TNRC6B: variants seen among roughly 807,000 people sequenced by gnomAD.
TNRC6B encodes trinucleotide repeat-containing gene 6B protein.
In TNRC6B, 52 loss-of-function variants were observed where a neutral mutation model predicts 203.6. That is an observed-to-expected ratio of 0.26 (90% confidence interval 0.20 to 0.32). The LOEUF (loss-of-function observed/expected upper bound fraction) is 0.32. Among genes scored for constraint, TNRC6B ranks in the 10% least tolerant of loss-of-function variants. The pLI is 1.00. For synonymous variants in TNRC6B, 838 were observed against 845.7 expected, an observed-to-expected ratio of 0.99 and a Z score of 0.16; for missense variants, 1,923 against 2,286.2, an observed-to-expected ratio of 0.84 and a Z score of 3.24.
At chr22:40,317,557 A>G (rs541988913) in intron 21 of TNRC6B, among the ~76,000 whole-genome samples, 28 of 152,188 alleles carry the variant, frequency 1.8e-4, no homozygotes, top group Non-Finnish European at 2.9e-4. Flanking sequence ...CAGCCTGGCG[A>G]CAGAGCGAGA....
chr22:40,055,636 G>A (rs2067787991), intron 1 of TNRC6B, among the ~76,000 whole-genome samples: 1 of 152,182 alleles, frequency 6.6e-6, no homozygotes, highest in Non-Finnish European at 1.5e-5. Context: ...AACCACAACG[G>A]CACTTGTCAC....
chr22:40,163,450 C>A (rs1230708268), intron 4 of TNRC6B, among the ~76,000 whole-genome samples: 1 of 84,298 alleles, frequency 1.2e-5, no homozygotes, highest in African/African-American at 4.5e-5. Flanking sequence ...GAATGAGACC[C>A]TGTCTCAAAA....
At chr22:40,255,952 A>T (rs2070270862) in intron 3 of TNRC6B, among the ~76,000 whole-genome samples, 1 of 152,192 alleles carries the variant, frequency 6.6e-6, no homozygotes, top group African/African-American at 2.4e-5. Context: ...TCCCAGGTTC[A>T]AGCGATTCTC....
intron 1 of TNRC6B, among the ~76,000 whole-genome samples, chr22:40,239,790 G>A (rs2070002578): frequency 6.6e-6 from 1 of 152,022 alleles, no homozygotes. Flanking sequence ...GTCTTGTTAT[G>A]CCTCAGCTTA....
chr22:40,298,165 TTAAA>T (rs887124489), intron 12 of TNRC6B, among the ~76,000 whole-genome samples: 1 of 148,714 alleles, frequency 6.7e-6, no homozygotes, highest in African/African-American at 2.6e-5. Context: ...TAAAAAATCA[TTAAA>T]AAAAACCCAG....
intron 1 of TNRC6B, among the ~76,000 whole-genome samples, chr22:40,084,809 C>T (rs764548742): frequency 2.0e-5 from 3 of 152,088 alleles, no homozygotes; most frequent in Non-Finnish European, 2.9e-5. Context: ...AGTCAGATGA[C>T]GAAGGGTTTT....
intron 2 of TNRC6B, among the ~76,000 whole-genome samples, chr22:40,118,154 T>C (rs1306113610): frequency 6.6e-6 from 1 of 152,170 alleles, no homozygotes; most frequent in Non-Finnish European, 1.5e-5. Context: ...TTTGCTAGGC[T>C]TATGTGCCTA....
At chr22:40,059,460 G>T (rs1196190480) in intron 1 of TNRC6B, among the ~76,000 whole-genome samples, 1 of 152,178 alleles carries the variant, frequency 6.6e-6, no homozygotes, top group East Asian at 1.9e-4. Flanking sequence ...ATACCTTAAT[G>T]TCCTGGCTAG....
chr22:40,129,328 T>TAAGAGGTGGCTC (rs2068521452), intron 3 of TNRC6B, among the ~76,000 whole-genome samples: 1 of 152,202 alleles, frequency 6.6e-6, no homozygotes, highest in Admixed American at 6.5e-5. Flanking sequence ...ATTTGCATTT[T>TAAGAGGTGGCTC]AAGAGGTGGC....
At chr22:40,056,591 C>G (rs1034880460) in intron 1 of TNRC6B, among the ~76,000 whole-genome samples, 1 of 151,908 alleles carries the variant, frequency 6.6e-6, no homozygotes, top group Admixed American at 6.6e-5. Flanking sequence ...GCCAGGAGTT[C>G]GAGACCAGCT....
chr22:40,200,733 A>T (rs1445989222), intron 1 of TNRC6B, among the ~76,000 whole-genome samples: 1 of 152,146 alleles, frequency 6.6e-6, no homozygotes, highest in Non-Finnish European at 1.5e-5. Flanking sequence ...GGTCATATTG[A>T]GTATTTATGA....
intron 3 of TNRC6B, among the ~76,000 whole-genome samples, chr22:40,126,579 A>ATTTTTT (rs2068495311): frequency 9.9e-6 from 1 of 100,610 alleles, no homozygotes; most frequent in Non-Finnish European, 2.0e-5. Context: ...GACGTTATTT[A>ATTTTTT]ATTTTTTTTT....
chr22:40,079,190 G>A (rs879508901), intron 1 of TNRC6B, among the ~76,000 whole-genome samples: 1 of 152,138 alleles, frequency 6.6e-6, no homozygotes, highest in African/African-American at 2.4e-5. Flanking sequence ...TGGGATTACA[G>A]GCATGAGCCA....
At position 40,265,694 on chromosome 22, in the gene TNRC6B, C is replaced by T; in HGVS notation, c.1464C>T (p.Pro488=). 1.9e-6 allele frequency: 3 copies of T among 1,613,956 alleles called. No individual in the cohort carries two copies. The highest frequency in any genetic ancestry group is 2.5e-6 in the Non-Finnish European group (3 of 1,179,874). Residue 488 remains proline (P), a synonymous_variant, in exon 5 of 23, where the codon CCC becomes CCT. Transcript: ENST00000454349. ...RSTGGSWNFG[P]QDSNDNKWGE... Reference sequence around the variant, plus strand: ...CGGGTGGGTCCTGGAACTTTGGCCCCCAGGACTCTAATGACAACAAATGGG... The same window carrying T: ...CGGGTGGGTCCTGGAACTTTGGCCCTCAGGACTCTAATGACAACAAATGGG...
chr22:40,203,716 A>ATTTTG (rs752597426), intron 1 of TNRC6B, among the ~76,000 whole-genome samples: 2 of 152,138 alleles, frequency 1.3e-5, no homozygotes, highest in East Asian at 3.9e-4. Context: ...GCTTCTGCCA[A>ATTTTG]TTTTGTTTTG....
intron 4 of TNRC6B, among the ~76,000 whole-genome samples, chr22:40,165,412 G>A (rs2068910592): frequency 6.6e-6 from 1 of 152,074 alleles, no homozygotes; most frequent in Non-Finnish European, 1.5e-5. Context: ...CTGGACTCAA[G>A]CAGTCCTCCC....
chr22:40,145,841 A>C (rs1601840429), intron 3 of TNRC6B, among the ~76,000 whole-genome samples: 1 of 71,810 alleles, frequency 1.4e-5, no homozygotes, highest in Non-Finnish European at 2.6e-5. Flanking sequence ...ACTTTGTCTC[A>C]AAAAAAAAAG....
chr22:40,101,234 C>T (rs971422832), intron 1 of TNRC6B, among the ~76,000 whole-genome samples: 2 of 152,086 alleles, frequency 1.3e-5, no homozygotes, highest in African/African-American at 2.4e-5. Flanking sequence ...CCTTGTGATC[C>T]GCCCACCTCG....
At chr22:40,220,204 A>G (rs1051605209) in intron 1 of TNRC6B, among the ~76,000 whole-genome samples, 1 of 152,122 alleles carries the variant, frequency 6.6e-6, no homozygotes, top group Non-Finnish European at 1.5e-5. Context: ...CTCTGGGCTT[A>G]TGGAGTGTGT....
Sources: allele counts gnomAD v4.1 joint callset (sites outside exome capture counted in the v4.1 genomes callset), GRCh38; gene constraint gnomAD v4.1.1; transcripts MANE v1.5; gene names NCBI Gene and HGNC (gene_info 2026-07-23, HGNC 2026-07-21).